CD8B2: variants seen among roughly 807,000 people sequenced by gnomAD.
The protein encoded by CD8B2 is CD8B family member 2, also known as T-cell surface glycoprotein CD8 beta-2 chain.
CD8B2 carries 11 observed loss-of-function variants against 23.7 expected under a neutral mutation model. The observed-to-expected ratio is 0.46, with a 90% CI of 0.29 to 0.77. The LOEUF (loss-of-function observed/expected upper bound fraction) is 0.77, where lower values mean the gene tolerates loss of function less well. CD8B2 is among the 30% of genes least tolerant of loss of function. The probability of loss-of-function intolerance (pLI) is 0.09; values close to 1 mark genes in which losing one functional copy is unlikely to be tolerated. For synonymous variants in CD8B2, 90 were observed against 109.3 expected (o/e 0.82, Z 1.10); for missense variants, 197 against 270.5 (o/e 0.73, Z 1.91).
chr2:106,524,030 C>A (rs1465246756), intron 5 of CD8B2, among the ~76,000 whole-genome samples: 1 of 152,122 alleles, frequency 6.6e-6, no homozygotes, highest in Non-Finnish European at 1.5e-5. Context: ...GACAATTGGG[C>A]AGGTTTCATA....
rs1679091860 is a variant in CD8B2 at position 106,487,366 on chromosome 2, C to G, written c.-61C>G. On this transcript the variant is annotated 5_prime_UTR_variant, in exon 1 of 6. Coordinates refer to ENST00000643224, the MANE Select transcript of CD8B2 (RefSeq NM_001349727.2). ...GCGCCCCGCCCGGCCAGCTCCTCAC[C>G]CACCCCAGCCGCGACTGTCTCCGCC... The G allele has an allele frequency of 1.1e-6, 1 of 910,838 alleles. No individual in the cohort carries two copies. Among genetic ancestry groups the G allele is most frequent in the African/African-American group, 1.7e-5 (1 of 58,018 alleles). The allele number at this position is 910,838 out of a possible 1,614,324, so 56.4% of individuals were successfully genotyped here. A position where few individuals can be genotyped will look rare whatever the true frequency, so the allele number is the denominator to read the frequency against.
intron 5 of CD8B2, among the ~76,000 whole-genome samples, chr2:106,505,385 A>T (rs1457183311): frequency 6.6e-6 from 1 of 152,094 alleles, no homozygotes; most frequent in Non-Finnish European, 1.5e-5. Context: ...GCCAATCACC[A>T]TGTGACAGCC....
rs936665154 is a variant in CD8B2, at chr2:106,502,159, G to A, written c.494-315G>A. Among the ~76,000 whole-genome samples, 8 of 152,006 alleles carry A rather than the reference G, an allele frequency of 5.3e-5. No individual in the cohort carries two copies. The East Asian group carries it at 7.8e-4, about 15-fold the overall frequency. ...AAAGATACAAAAATTAGCCAGGCATGGTGGCACATGCCTGTAATCCCAGCT... is the reference window on the plus strand; with the variant it reads ...AAAGATACAAAAATTAGCCAGGCATAGTGGCACATGCCTGTAATCCCAGCT... On this transcript the variant is annotated intron_variant, in intron 3 of 5. Transcript: ENST00000643224.
chr2:106,529,098 ATG>A, intron 5 of CD8B2, among the ~76,000 whole-genome samples: 1 of 152,270 alleles, frequency 6.6e-6, no homozygotes, highest in South Asian at 2.1e-4. Context: ...GGGTTTTGTG[ATG>A]TGTTTCTGAG....
Position 106,507,724 on chromosome 2 carries a change from T to C in CD8B2, c.*784T>C. ...CTACAGCAAAGACATCAGTGCTCAG[T>C]GGAACAGAAACCAGAAGGAGAAAAT... On this transcript the variant is annotated 3_prime_UTR_variant, in exon 6 of 6. Coordinates refer to ENST00000643224, the MANE Select transcript of CD8B2 (RefSeq NM_001349727.2). 14 of 793,244 alleles carry C rather than the reference T, an allele frequency of 1.8e-5. No homozygotes were observed. Among genetic ancestry groups the C allele is most frequent in the Non-Finnish European group, 2.1e-5 (14 of 654,626 alleles). 49.1% of individuals were successfully genotyped at this position (793,244 alleles called of 1,614,324 possible).
In CD8B2 at chr2:106,534,817, G is replaced by T. The variant is rs924231906; in HGVS notation, c.621-9175G>T. On this transcript the variant is annotated intron_variant, in intron 5 of 5. Coordinates refer to the CD8B2 transcript ENST00000416057. ...TTTTAAAATTGAGAAACATTTTTGA[G>T]ACCTAATGTTTGTTTGTTTGAAACA... Among the ~76,000 whole-genome samples, 255 of 40,386 alleles carry T rather than the reference G, an allele frequency of 6.3e-3. 1 individual carries two copies. The highest frequency in any genetic ancestry group is 0.011 in the Non-Finnish European group (220 of 20,438). 26.5% of individuals were successfully genotyped at this position (40,386 alleles called of 152,430 possible).
intron 5 of CD8B2, among the ~76,000 whole-genome samples, chr2:106,540,979 G>A (rs1165372117): frequency 3.9e-5 from 6 of 152,154 alleles, no homozygotes; most frequent in Admixed American, 3.9e-4. Context: ...AGCCTTTTGG[G>A]GAAAATGACC....
Position 106,503,159 on chromosome 2 carries a change from C to T in CD8B2, c.583+596C>T, listed in dbSNP as rs1054688917. On this transcript the variant is annotated intron_variant, in intron 4 of 5. Coordinates refer to ENST00000643224, the MANE Select transcript of CD8B2 (RefSeq NM_001349727.2). ...TGGGTTCACAAGAAAGACGGGGAGCCGGAGGGGAGGCCTGCATGGCTGCCC... is the reference window on the plus strand; with the variant it reads ...TGGGTTCACAAGAAAGACGGGGAGCTGGAGGGGAGGCCTGCATGGCTGCCC... 8.6e-5 allele frequency among the ~76,000 whole-genome samples: 13 copies of T among 151,588 alleles called. 1 individual carries two copies. Among genetic ancestry groups the T allele is most frequent in the East Asian group, 1.9e-4 (1 of 5,174 alleles).
At chr2:106,521,463 A>G (rs991519846) in intron 5 of CD8B2, 1 of 152,108 alleles carries the variant, frequency 6.6e-6, no homozygotes, top group Non-Finnish European at 1.5e-5. Flanking sequence ...AGAAAATGAT[A>G]TGGGGGCTGC....
At chr2:106,533,313 G>A (rs1415723713) in intron 5 of CD8B2, among the ~76,000 whole-genome samples, 1 of 152,192 alleles carries the variant, frequency 6.6e-6, no homozygotes, top group African/African-American at 2.4e-5. Context: ...GGAACAGGAC[G>A]AAACTCAGAG....
chr2:106,494,337 G>T (rs4273215), intron 2 of CD8B2, among the ~76,000 whole-genome samples: 1 of 152,074 alleles, frequency 6.6e-6, no homozygotes, highest in East Asian at 1.9e-4. Context: ...TAGTAGAGAC[G>T]GGGTTTTGCC....
chr2:106,536,388 A>G (rs1680089623), intron 5 of CD8B2, among the ~76,000 whole-genome samples: 1 of 152,154 alleles, frequency 6.6e-6, no homozygotes, highest in African/African-American at 2.4e-5. Context: ...GAACAGCAGC[A>G]AAGGGAGAAA....
intron 5 of CD8B2, among the ~76,000 whole-genome samples, chr2:106,523,391 G>T (rs989273460): frequency 4.6e-5 from 7 of 151,994 alleles, no homozygotes; most frequent in East Asian, 3.9e-4. Flanking sequence ...GCTCTAGCAG[G>T]GGGGGTCAAC....
At chr2:106,498,556 T>C (rs1679342985) in intron 3 of CD8B2, among the ~76,000 whole-genome samples, 1 of 152,098 alleles carries the variant, frequency 6.6e-6, no homozygotes, top group Non-Finnish European at 1.5e-5. Context: ...GGTGACCTAG[T>C]GGAGTAAGGC....
At chr2:106,496,567 C>A (rs1363668479) in intron 3 of CD8B2, among the ~76,000 whole-genome samples, 2 of 152,210 alleles carry the variant, frequency 1.3e-5, no homozygotes, top group African/African-American at 4.8e-5. Context: ...AAACATCCAC[C>A]AGCTAATGAG....
intron 1 of CD8B2, 79 bp from the exon 2 acceptor site, chr2:106,490,795 A>T: frequency 6.5e-7 from 1 of 1,530,880 alleles, no homozygotes; most frequent in Non-Finnish European, 8.8e-7. Context: ...TTCCTTTGAC[A>T]CTTGACTCAG....
At chr2:106,493,994 A>G (rs1391956404) in intron 2 of CD8B2, among the ~76,000 whole-genome samples, 1 of 152,098 alleles carries the variant, frequency 6.6e-6, no homozygotes, top group Admixed American at 6.6e-5. Flanking sequence ...TCTTCCCATC[A>G]ATGTCTTGAA....
chr2:106,539,782 G>A (rs1275694764), intron 5 of CD8B2, among the ~76,000 whole-genome samples: 1 of 152,096 alleles, frequency 6.6e-6, no homozygotes, highest in Non-Finnish European at 1.5e-5. Flanking sequence ...GATAAAATAA[G>A]AACAGAATCT....
chr2:106,542,100 G>A lies in CD8B2; in HGVS notation c.621-1892G>A, dbSNP rs1266473671. On this transcript the variant is annotated intron_variant, in intron 5 of 5. Coordinates refer to the CD8B2 transcript ENST00000416057. Reference sequence around the variant, plus strand: ...GATACGCCACTTGCCACTTTAACTGGTCAATTCTTACTTAACCTTTGAAGA... The same window carrying A: ...GATACGCCACTTGCCACTTTAACTGATCAATTCTTACTTAACCTTTGAAGA... 2.0e-5 allele frequency among the ~76,000 whole-genome samples: 3 copies of A among 152,178 alleles called. No individual in the cohort carries two copies. The East Asian group carries it at 5.8e-4, about 29-fold the overall frequency.
Sources: allele counts gnomAD v4.1 joint callset (sites outside exome capture counted in the v4.1 genomes callset), GRCh38; gene constraint gnomAD v4.1.1; transcripts MANE v1.5; gene names NCBI Gene and HGNC (gene_info 2026-07-23, HGNC 2026-07-21).